The following VTI1A variants were observed in gnomAD, a reference collection of about 807,000 sequenced individuals.
The protein encoded by VTI1A is vesicle transport through interaction with t-SNAREs homolog 1A.
VTI1A carries 22 observed loss-of-function variants against 34.9 expected under a neutral mutation model. The observed-to-expected ratio is 0.63, with a 90% CI of 0.45 to 0.90. The LOEUF (loss-of-function observed/expected upper bound fraction) is 0.90, where lower values mean the gene tolerates loss of function less well. Among genes scored for constraint, VTI1A ranks in the 40% least tolerant of loss-of-function variants. The probability of loss-of-function intolerance (pLI) is 0.00; values close to 1 mark genes in which losing one functional copy is unlikely to be tolerated. For synonymous variants in VTI1A, 87 were observed against 97.3 expected, an observed-to-expected ratio of 0.89 and a Z score of 0.62; for missense variants, 268 against 275.6, an observed-to-expected ratio of 0.97 and a Z score of 0.20.
intron 5 of VTI1A, among the ~76,000 whole-genome samples, chr10:112,575,036 A>G (rs909415381): frequency 1.4e-4 from 21 of 152,190 alleles, no homozygotes; most frequent in Admixed American, 6.5e-5. Flanking sequence ...ACAGCCAGGT[A>G]GTGGTGAAGG....
chr10:112,525,930 T>C (rs960956827), intron 3 of VTI1A, among the ~76,000 whole-genome samples: 1 of 152,242 alleles, frequency 6.6e-6, no homozygotes, highest in African/African-American at 2.4e-5. Flanking sequence ...GCTCTGGAAT[T>C]ATTGATAGTC....
chr10:112,611,159 G>A (rs1291298343), intron 5 of VTI1A, among the ~76,000 whole-genome samples: 1 of 152,170 alleles, frequency 6.6e-6, no homozygotes, highest in Non-Finnish European at 1.5e-5. Context: ...ATAATCTTTA[G>A]AAGAAACGAC....
At chr10:112,500,415 G>C (rs1849188971) in intron 3 of VTI1A, among the ~76,000 whole-genome samples, 1 of 151,234 alleles carries the variant, frequency 6.6e-6, no homozygotes, top group Non-Finnish European at 1.5e-5. Context: ...CTCCAGCCTG[G>C]CGACAGACTC....
intron 3 of VTI1A, among the ~76,000 whole-genome samples, chr10:112,465,027 A>G (rs955577213): frequency 5.9e-5 from 9 of 152,194 alleles, no homozygotes; most frequent in Admixed American, 5.9e-4. Flanking sequence ...TAGTCTCCTG[A>G]AAGCATATCT....
chr10:112,646,477 T>C (rs1388800288), intron 5 of VTI1A, among the ~76,000 whole-genome samples: 10 of 151,460 alleles, frequency 6.6e-5, no homozygotes, highest in Non-Finnish European at 5.9e-5. Context: ...ATGTGAATTG[T>C]GGGTGACCTG....
intron 5 of VTI1A, among the ~76,000 whole-genome samples, chr10:112,549,642 T>A (rs1362053102): frequency 6.6e-6 from 1 of 152,194 alleles, no homozygotes; most frequent in Admixed American, 6.5e-5. Context: ...ACAGAGAAAG[T>A]TCTTTCTCTA....
chr10:112,496,033 T>C (rs560894827), intron 3 of VTI1A, among the ~76,000 whole-genome samples: 1 of 152,258 alleles, frequency 6.6e-6, no homozygotes, highest in Admixed American at 6.5e-5. Context: ...GTAGGTTGAG[T>C]GGTAGGACCT....
chr10:112,740,763 A>C (rs1850667208), intron 7 of VTI1A, among the ~76,000 whole-genome samples: 1 of 152,234 alleles, frequency 6.6e-6, no homozygotes, highest in Admixed American at 6.5e-5. Flanking sequence ...ACAGTTTGGC[A>C]ATCACTTAAA....
intron 5 of VTI1A, among the ~76,000 whole-genome samples, chr10:112,641,021 C>T (rs933263047): frequency 6.6e-6 from 1 of 151,778 alleles, no homozygotes; most frequent in Non-Finnish European, 1.5e-5. Context: ...CAAAAGAATA[C>T]TAAATATTGC....
chr10:112,786,003 G>A (rs950179742), intron 7 of VTI1A, among the ~76,000 whole-genome samples: 2 of 150,762 alleles, frequency 1.3e-5, no homozygotes, highest in African/African-American at 2.4e-5. Flanking sequence ...CATTTTCACC[G>A]CCCCCCCAAA....
At chr10:112,691,093 T>C (rs1320068291) in intron 7 of VTI1A, among the ~76,000 whole-genome samples, 1 of 151,940 alleles carries the variant, frequency 6.6e-6, no homozygotes, top group East Asian at 1.9e-4. Context: ...ACCCCGTCTC[T>C]ACTAAAAATA....
At chr10:112,559,579 C>T (rs1467914033) in intron 5 of VTI1A, among the ~76,000 whole-genome samples, 1 of 152,114 alleles carries the variant, frequency 6.6e-6, no homozygotes, top group African/African-American at 2.4e-5. Flanking sequence ...CTCTTCTTCC[C>T]TCACCCTACA....
intron 5 of VTI1A, among the ~76,000 whole-genome samples, chr10:112,635,684 T>C (rs1846328012): frequency 6.6e-6 from 1 of 152,076 alleles, no homozygotes; most frequent in Non-Finnish European, 1.5e-5. Flanking sequence ...AAGAAACAAG[T>C]ATGAGAGATA....
At chr10:112,615,037 G>T (rs1354405673) in intron 5 of VTI1A, among the ~76,000 whole-genome samples, 3 of 152,028 alleles carry the variant, frequency 2.0e-5, no homozygotes, top group Non-Finnish European at 4.4e-5. Flanking sequence ...CAAATATGTG[G>T]CAAATGGATC....
In VTI1A at chr10:112,757,351, A is replaced by ATTTTTTTTTTTTTTTTTTTTT. The variant is rs1175362768; in HGVS notation, c.561-57927_561-57907dup. On this transcript the variant is annotated intron_variant, in intron 7 of 7. Transcript: ENST00000393077. ...CTTTCACCCTTTCTTTGTTGCTGTG[A>ATTTTTTTTTTTTTTTTTTTTT]TTTTTTTTTTTTTTTTTTTTTTTTT... 1.2e-4 allele frequency among the ~76,000 whole-genome samples: 5 copies of ATTTTTTTTTTTTTTTTTTTTT among 40,692 alleles called. 1 individual carries two copies. Among genetic ancestry groups the ATTTTTTTTTTTTTTTTTTTTT allele is most frequent in the African/African-American group, 3.1e-4 (3 of 9,700 alleles). 26.7% of individuals were successfully genotyped at this position (40,692 alleles called of 152,430 possible). A position where few individuals can be genotyped will look rare whatever the true frequency, so the allele number is the denominator to read the frequency against.
chr10:112,775,055 G>A (rs1851922808), intron 7 of VTI1A, among the ~76,000 whole-genome samples: 1 of 152,180 alleles, frequency 6.6e-6, no homozygotes, highest in African/African-American at 2.4e-5. Flanking sequence ...CTCACTGAAC[G>A]TCGGTCAGTT....
chr10:112,459,674 G>T (rs1000130623), intron 1 of VTI1A, among the ~76,000 whole-genome samples: 1 of 152,150 alleles, frequency 6.6e-6, no homozygotes, highest in East Asian at 1.9e-4. Context: ...AATACATCTG[G>T]TTTGCACAAA....
intron 5 of VTI1A, among the ~76,000 whole-genome samples, chr10:112,629,470 G>A (rs1400255794): frequency 6.6e-6 from 1 of 152,184 alleles, no homozygotes; most frequent in Non-Finnish European, 1.5e-5. Flanking sequence ...CCCCCACATT[G>A]GAATTAAGAA....
At chr10:112,590,877 G>A (rs1007368409) in intron 5 of VTI1A, among the ~76,000 whole-genome samples, 2 of 152,074 alleles carry the variant, frequency 1.3e-5, no homozygotes, top group African/African-American at 4.8e-5. Context: ...AAGGCGGGCA[G>A]ATTACTTGAG....
Sources: allele counts gnomAD v4.1 joint callset (sites outside exome capture counted in the v4.1 genomes callset), GRCh38; gene constraint gnomAD v4.1.1; transcripts MANE v1.5; gene names NCBI Gene and HGNC (gene_info 2026-07-23, HGNC 2026-07-21).